KRT86: variants seen among roughly 807,000 people sequenced by gnomAD.
KRT86 encodes the protein keratin 86.
A neutral mutation model predicts 41.2 loss-of-function variants in KRT86; 30 were observed. The ratio of observed to expected loss-of-function variants is 0.73; its 90% CI spans 0.54 to 0.99. KRT86 has a LOEUF of 0.99. Among genes scored for constraint, KRT86 ranks in the 50% least tolerant of loss-of-function variants. The pLI is 0.00. For synonymous variants in KRT86, 238 were observed against 238.1 expected, an observed-to-expected ratio of 1.00 and a Z score of 0.00; for missense variants, 561 against 571.4, an observed-to-expected ratio of 0.98 and a Z score of 0.19.
chr12:52,289,048 C>G (rs1484099652), intron 2 of KRT86, among the ~76,000 whole-genome samples: 1 of 113,922 alleles, frequency 8.8e-6, no homozygotes, highest in East Asian at 2.5e-4. Flanking sequence ...TGCCCTTTGT[C>G]AAGGCCCTGG....
chr12:52,300,508 A>G (rs1240447780), intron 2 of KRT86, among the ~76,000 whole-genome samples: 1 of 152,132 alleles, frequency 6.6e-6, no homozygotes, highest in Non-Finnish European at 1.5e-5. Context: ...GAAAGCCTTA[A>G]CCTATTTCCC....
At chr12:52,291,400 G>T (rs756076197) in intron 2 of KRT86, 3 of 1,609,990 alleles carry the variant, frequency 1.9e-6, no homozygotes, top group African/African-American at 2.7e-5. Flanking sequence ...AGCAGCGGCC[G>T]GGCCGCGGCC....
intron 2 of KRT86, chr12:52,291,303 G>A (rs1283138820): frequency 9.1e-6 from 14 of 1,543,024 alleles, no homozygotes; most frequent in Non-Finnish European, 1.0e-5. Flanking sequence ...GAGCCGGCCC[G>A]AAAGCCTCCG....
intron 2 of KRT86, among the ~76,000 whole-genome samples, chr12:52,292,743 T>C (rs1045474876): frequency 6.6e-6 from 1 of 152,190 alleles, no homozygotes; most frequent in Non-Finnish European, 1.5e-5. Flanking sequence ...CTGGATTAGG[T>C]TTAAATTAAA....
chr12:52,275,855 C>T lies in KRT86; in HGVS notation c.-96C>T, dbSNP rs998303032. 2.5e-5 allele frequency: 25 copies of T among 985,922 alleles called. No individual in the cohort carries two copies. The highest frequency in any genetic ancestry group is 1.9e-4 in the African/African-American group (11 of 57,338). The allele number at this position is 985,922 out of a possible 1,614,324, so 61.1% of individuals were successfully genotyped here. On this transcript the variant is annotated 5_prime_UTR_variant, in exon 2 of 11. It adds an upstream start codon to the 5' untranslated region. Transcript: ENST00000423955. ...TTAAAGGCAACTGTGCAGAAACACA[C>T]GCAGAGCCTGAAGCCCAGCAAGGAG...
intron 2 of KRT86, among the ~76,000 whole-genome samples, chr12:52,280,867 A>G (rs1937756664): frequency 6.6e-6 from 1 of 152,200 alleles, no homozygotes; most frequent in African/African-American, 2.4e-5. Flanking sequence ...TGATCATGTC[A>G]ACAAGGGAAC....
intron 2 of KRT86, chr12:52,286,784 TACTC>T (rs775624280): frequency 1.9e-6 from 3 of 1,613,902 alleles, no homozygotes; most frequent in South Asian, 1.1e-5. Flanking sequence ...GGACCCCAAA[TACTC>T]ACAGACATTC....
Position 52,306,150 on chromosome 12 carries a change from G to A in KRT86, c.1117G>A (p.Gly373Ser), listed in dbSNP as rs1165062617. Residue 373 changes from glycine to serine, a missense_variant, in exon 9 of 11, where the codon GGT becomes AGT. By Grantham distance (56) the Gly-to-Ser change is moderately conservative (BLOSUM62 0). Transcript: ENST00000423955. ...CCGCTGCAAGTTGGCCGAGCTGGAG[G>A]GTGCCCTGCAGAAGGCCAAGCAGGA... ...DARCKLAELE[G>S]ALQKAKQDMA... 8 of 1,613,858 alleles carry A rather than the reference G, an allele frequency of 5.0e-6. No individual in the cohort carries two copies. In the Admixed American group the frequency reaches 8.3e-5, roughly 17 times the overall value.
intron 2 of KRT86, chr12:52,286,773 T>A: frequency 6.2e-7 from 1 of 1,613,456 alleles, no homozygotes; most frequent in Non-Finnish European, 8.5e-7. Context: ...CTGTCCACAC[T>A]GGACCCCAAA....
intron 2 of KRT86, chr12:52,286,457 T>C: frequency 1.9e-6 from 3 of 1,552,320 alleles, no homozygotes; most frequent in Non-Finnish European, 2.6e-6. Context: ...CACGCAGAGG[T>C]CCCCGCACAC....
rs74651927 is a variant in KRT86 at position 52,301,970 on chromosome 12, C to T, written c.54C>T (p.Cys18=). 0.16 allele frequency: 250,585 copies of T among 1,613,500 alleles called. 20,344 individuals carry two copies. The highest frequency in any genetic ancestry group is 0.24 in the South Asian group (21,617 of 91,086). ...GCGCCTTCAGCTGCATCTCGGCCTG[C>T]GGGCCCCGGCCCGGCCGCTGCTGCA... The part of the protein sequence containing the change: ...GGRAFSCISA[C]GPRPGRCCIT... Residue 18 remains cysteine, a synonymous_variant, in exon 3 of 11, where the codon TGC becomes TGT. Coordinates refer to ENST00000423955, the MANE Select transcript of KRT86 (RefSeq NM_001320198.2).
intron 2 of KRT86, chr12:52,291,334 G>A: frequency 1.9e-6 from 3 of 1,559,692 alleles, no homozygotes; most frequent in African/African-American, 1.4e-5. Context: ...GGCTGCCGAA[G>A]CCCCCGGTGA....
intron 2 of KRT86, among the ~76,000 whole-genome samples, chr12:52,276,162 A>G (rs935580525): frequency 2.0e-5 from 3 of 152,178 alleles, no homozygotes; most frequent in Non-Finnish European, 4.4e-5. Context: ...ATGTAGGTAA[A>G]TCTGTATGAA....
intron 2 of KRT86, among the ~76,000 whole-genome samples, chr12:52,300,110 T>C (rs542306766): frequency 1.3e-5 from 2 of 152,346 alleles, no homozygotes; most frequent in South Asian, 4.1e-4. Flanking sequence ...CATTTTAATT[T>C]GGTTTTTGTA....
chr12:52,283,404 A>T (rs1003406036), intron 2 of KRT86, among the ~76,000 whole-genome samples: 3 of 136,700 alleles, frequency 2.2e-5, no homozygotes, highest in Non-Finnish European at 4.8e-5. Flanking sequence ...AAAAAAAAAA[A>T]AAAAAAAAAA....
rs1192763379 is a variant in KRT86, at chr12:52,306,252, A to C, written c.1219A>C (p.Arg407=). 2 of 1,613,448 alleles carry C rather than the reference A, an allele frequency of 1.2e-6. No individual in the cohort carries two copies. The highest frequency in any genetic ancestry group is 1.7e-6 in the Non-Finnish European group (2 of 1,180,028). Reference sequence around the variant, plus strand: ...CCTGGACATCGAGATCGCCACCTACAGGCGCCTGCTGGAGGGCGAGGAGCA... The same window carrying C: ...CCTGGACATCGAGATCGCCACCTACCGGCGCCTGCTGGAGGGCGAGGAGCA... The part of the protein sequence containing the change: ...LGLDIEIATY[R]RLLEGEEQRL... Residue 407 remains arginine (R), a synonymous_variant, in exon 9 of 11, where the codon AGG becomes CGG. Transcript: ENST00000423955.
At chr12:52,286,169 G>T in intron 2 of KRT86, 1 of 1,061,412 alleles carries the variant, frequency 9.4e-7, no homozygotes, top group Non-Finnish European at 1.4e-6. Flanking sequence ...AAGTAGCTGA[G>T]CACTTGCTCC....
intron 2 of KRT86, among the ~76,000 whole-genome samples, chr12:52,299,574 T>C (rs1326224864): frequency 5.3e-5 from 8 of 152,234 alleles, no homozygotes; most frequent in Non-Finnish European, 1.5e-5. Context: ...AGTGTACAAG[T>C]GTTCCCCTTT....
At chr12:52,286,973 C>T (rs961632486) in intron 2 of KRT86, 89 of 1,562,398 alleles carry the variant, frequency 5.7e-5, no homozygotes, top group Non-Finnish European at 7.5e-5. Flanking sequence ...CACCAGCCCT[C>T]CCCACACCGG....
Sources: gnomAD v4.1 joint callset for allele counts (sites outside exome capture counted in the v4.1 genomes callset) on GRCh38, gnomAD v4.1.1 for gene constraint, MANE v1.5 for transcripts, NCBI Gene and HGNC (gene_info 2026-07-23, HGNC 2026-07-21) for gene names.